The following TLCD4 variants were observed in gnomAD, a reference collection of about 807,000 sequenced individuals.
TLCD4 encodes TLC domain containing 4.
TLCD4 carries 7 observed loss-of-function variants against 24.2 expected under a neutral mutation model. The ratio of observed to expected loss-of-function variants is 0.29; its 90% CI spans 0.16 to 0.54. TLCD4 has a LOEUF of 0.54. Among genes scored for constraint, TLCD4 ranks in the 20% least tolerant of loss-of-function variants. TLCD4 has a pLI of 0.95. For synonymous variants in TLCD4, 103 were observed against 106.4 expected, an observed-to-expected ratio of 0.97 and a Z score of 0.20; for missense variants, 259 against 313.9, an observed-to-expected ratio of 0.82 and a Z score of 1.32.
chr1:95,152,181 T>C (rs955222825), intron 5 of TLCD4, among the ~76,000 whole-genome samples: 2 of 152,016 alleles, frequency 1.3e-5, no homozygotes, highest in African/African-American at 4.8e-5. Flanking sequence ...TAGGAAAAGT[T>C]AGATGAAATG....
Position 95,194,729 on chromosome 1 carries a change from A to G in TLCD4, c.*2861A>G, listed in dbSNP as rs1428657575. The stretch of plus-strand genomic sequence containing the variant: ...AAATGAATGAAAACCAACTAATAGC[A>G]TGCAAGATCATAGATCCTGCATTAA... On this transcript the variant is annotated 3_prime_UTR_variant, in exon 7 of 7. Coordinates refer to ENST00000370203, the MANE Select transcript of TLCD4 (RefSeq NM_152487.3). 6.6e-6 allele frequency: 1 copy of G among 152,202 alleles called. No individual in the cohort carries two copies. The highest frequency in any genetic ancestry group is 2.4e-5 in the African/African-American group (1 of 41,468). The allele number at this position is 152,202 out of a possible 1,614,324, so 9.4% of individuals were successfully genotyped here.
At chr1:95,096,146 A>G in the TLCD4 span, among the ~76,000 whole-genome samples, 1 of 152,246 alleles carries the variant, frequency 6.6e-6, no homozygotes, top group Non-Finnish European at 1.5e-5. Context: ...ATCTGAGGTT[A>G]TTCTCTACCA....
At chr1:95,093,358 T>TTTCAAATAAATAA in the TLCD4 span, among the ~76,000 whole-genome samples, 1 of 152,246 alleles carries the variant, frequency 6.6e-6, no homozygotes, top group Non-Finnish European at 1.5e-5. Context: ...TGGAAGTTTT[T>TTTCAAATAAATAA]ATTGTGGTTA....
chr1:95,134,119 T>C (rs1676980498), intron 1 of TLCD4, among the ~76,000 whole-genome samples: 1 of 151,940 alleles, frequency 6.6e-6, no homozygotes, highest in Non-Finnish European at 1.5e-5. Flanking sequence ...AAACGATGTA[T>C]AGGGGACAAT....
In TLCD4 at chr1:95,137,483, G is replaced by A. The variant is rs375604038; in HGVS notation, c.-11-6408G>A. 2.0e-5 allele frequency among the ~76,000 whole-genome samples: 3 copies of A among 152,238 alleles called. No homozygotes were observed. The East Asian group carries it at 5.8e-4, about 29-fold the overall frequency. On this transcript the variant is annotated intron_variant, in intron 1 of 6. Coordinates refer to ENST00000370203, the MANE Select transcript of TLCD4 (RefSeq NM_152487.3). ...TATGTATGTGCATGGAAGTGGCACT[G>A]GTATTTGATATATTCTCTAAGGAAT...
At chr1:95,179,962 G>A (rs1383863651) in intron 6 of TLCD4, among the ~76,000 whole-genome samples, 1 of 152,144 alleles carries the variant, frequency 6.6e-6, no homozygotes, top group African/African-American at 2.4e-5. Flanking sequence ...CAACATATGT[G>A]TATATTACTA....
intron 6 of TLCD4, among the ~76,000 whole-genome samples, chr1:95,178,070 C>T (rs539505876): frequency 6.6e-6 from 1 of 151,642 alleles, no homozygotes; most frequent in Non-Finnish European, 1.5e-5. Flanking sequence ...CCTGCCTCAG[C>T]TTCCCGAGTA....
chr1:95,179,709 G>A (rs1462007158), intron 6 of TLCD4, among the ~76,000 whole-genome samples: 3 of 152,102 alleles, frequency 2.0e-5, no homozygotes, highest in Non-Finnish European at 4.4e-5. Flanking sequence ...AGTGGCTCTG[G>A]CTGCTTACAG....
At chr1:95,162,369 T>C (rs923085364) in intron 5 of TLCD4, among the ~76,000 whole-genome samples, 6 of 138,754 alleles carry the variant, frequency 4.3e-5, no homozygotes, top group African/African-American at 1.5e-4. Context: ...TCTTCCTCCA[T>C]TTCTTTATTT....
chr1:95,115,619 G>T (rs1038108632), upstream of TLCD4, among the ~76,000 whole-genome samples: 3 of 152,126 alleles, frequency 2.0e-5, no homozygotes, highest in African/African-American at 7.2e-5. Context: ...AAACAATCTT[G>T]CAGTTTTCAT....
At chr1:95,175,181 G>C (rs755318380) in intron 6 of TLCD4, among the ~76,000 whole-genome samples, 1 of 152,078 alleles carries the variant, frequency 6.6e-6, no homozygotes, top group Non-Finnish European at 1.5e-5. Flanking sequence ...GAAACTCTAC[G>C]CCCATTAAAC....
intron 5 of TLCD4, chr1:95,163,928 CCA>C (rs1445350759): frequency 2.0e-5 from 3 of 152,318 alleles, no homozygotes; most frequent in African/African-American, 7.2e-5. Flanking sequence ...GAGGTGCCTA[CCA>C]GTTAGGCTAC....
chr1:95,186,562 G>T (rs188260767), intron 6 of TLCD4, among the ~76,000 whole-genome samples: 3 of 152,260 alleles, frequency 2.0e-5, no homozygotes, highest in African/African-American at 7.2e-5. Context: ...AATATGGAAG[G>T]CTTATGATTA....
chr1:95,130,107 A>T (rs1676846946), intron 1 of TLCD4, among the ~76,000 whole-genome samples: 1 of 152,180 alleles, frequency 6.6e-6, no homozygotes, highest in South Asian at 2.1e-4. Flanking sequence ...TTTTTACATG[A>T]TGGAAAAGTC....
chr1:95,129,081 G>A (rs1676818722), intron 1 of TLCD4, among the ~76,000 whole-genome samples: 1 of 152,154 alleles, frequency 6.6e-6, no homozygotes, highest in African/African-American at 2.4e-5. Context: ...GTCTGTGGTT[G>A]TAATTATTAT....
At chr1:95,118,191 A>G (rs1407974374) in intron 1 of TLCD4, 1 of 152,176 alleles carries the variant, frequency 6.6e-6, no homozygotes, top group African/African-American at 2.4e-5. Flanking sequence ...GAGTGCTGAA[A>G]AGTCTAGTGG....
At chr1:95,146,766 A>G (rs564744530) in intron 2 of TLCD4, among the ~76,000 whole-genome samples, 96 of 152,276 alleles carry the variant, frequency 6.3e-4, no homozygotes, top group African/African-American at 2.2e-3. Context: ...AGAGGGAGAT[A>G]TTTGATTGGA....
At chr1:95,190,953 C>T (rs1571794485) in intron 6 of TLCD4, among the ~76,000 whole-genome samples, 1 of 152,198 alleles carries the variant, frequency 6.6e-6, no homozygotes, top group East Asian at 1.9e-4. Context: ...GTGTCTTTCG[C>T]AGAGCAAGTT....
chr1:95,178,966 C>T (rs1472336665), intron 6 of TLCD4, among the ~76,000 whole-genome samples: 1 of 152,092 alleles, frequency 6.6e-6, no homozygotes, highest in Non-Finnish European at 1.5e-5. Context: ...ATTTCTCCCT[C>T]ACTTTATTTG....
Sources: allele counts gnomAD v4.1 joint callset (sites outside exome capture counted in the v4.1 genomes callset), GRCh38; gene constraint gnomAD v4.1.1; transcripts MANE v1.5; gene names NCBI Gene and HGNC (gene_info 2026-07-23, HGNC 2026-07-21).